DNAH8: variants seen among roughly 807,000 people sequenced by gnomAD.
DNAH8 encodes the protein dynein axonemal heavy chain 8, also known as axonemal beta dynein heavy chain 8.
A neutral mutation model predicts 562.1 loss-of-function variants in DNAH8; 382 were observed. The observed-to-expected ratio is 0.68, with a 90% CI of 0.63 to 0.74. The LOEUF (loss-of-function observed/expected upper bound fraction) is 0.74. Among genes scored for constraint, DNAH8 ranks in the 30% least tolerant of loss-of-function variants. The probability of loss-of-function intolerance (pLI) is 0.00; values close to 1 mark genes in which losing one functional copy is unlikely to be tolerated. For synonymous variants in DNAH8, 1,881 were observed against 1,919.4 expected (o/e 0.98, Z 0.52); for missense variants, 5,203 against 5,620.4 (o/e 0.93, Z 2.37).
chr6:38,969,707 G>T (rs1285489949), intron 82 of DNAH8, among the ~76,000 whole-genome samples: 1 of 140,076 alleles, frequency 7.1e-6, no homozygotes, highest in Admixed American at 7.2e-5. Flanking sequence ...AAAGGTGTGT[G>T]TGGGGGGGAG....
At chr6:38,818,578 G>GAAAAAAAAAAAAAAAAAAAAAAAA (rs1772517068) in intron 26 of DNAH8, among the ~76,000 whole-genome samples, 1 of 135,016 alleles carries the variant, frequency 7.4e-6, no homozygotes, top group African/African-American at 3.0e-5. Flanking sequence ...TTGGAAACAG[G>GAAAAAAAAAAAAAAAAAAAAAAAA]AATAAAACAC....
chr6:38,903,204 T>A (rs978027651), intron 62 of DNAH8, among the ~76,000 whole-genome samples: 15 of 152,132 alleles, frequency 9.9e-5, no homozygotes, highest in Non-Finnish European at 2.2e-4. Context: ...GCTGTGTAAT[T>A]TATTTAAAAA....
intron 71 of DNAH8, among the ~76,000 whole-genome samples, chr6:38,921,875 G>A (rs1781731210): frequency 6.6e-6 from 1 of 152,120 alleles, no homozygotes; most frequent in African/African-American, 2.4e-5. Flanking sequence ...GGGAGACAGG[G>A]GTGGGGCCGT....
At chr6:38,772,888 C>T (rs1031554809) in intron 12 of DNAH8, among the ~76,000 whole-genome samples, 1 of 150,224 alleles carries the variant, frequency 6.7e-6, no homozygotes, top group African/African-American at 2.5e-5. Context: ...GTGGCATGAT[C>T]ATAGCTCACT....
At chr6:38,775,399 C>G (rs913627897) in intron 12 of DNAH8, among the ~76,000 whole-genome samples, 1 of 152,110 alleles carries the variant, frequency 6.6e-6, no homozygotes, top group Non-Finnish European at 1.5e-5. Context: ...CATGGTGGAG[C>G]TTTTGAGTCC....
intron 87 of DNAH8, among the ~76,000 whole-genome samples, chr6:38,987,889 C>T (rs1178755665): frequency 6.6e-6 from 1 of 152,208 alleles, no homozygotes; most frequent in South Asian, 2.1e-4. Context: ...CATGAGCTTA[C>T]CACATGAACC....
intron 53 of DNAH8, among the ~76,000 whole-genome samples, chr6:38,877,427 A>C (rs1778109270): frequency 6.6e-6 from 1 of 152,212 alleles, no homozygotes; most frequent in Non-Finnish European, 1.5e-5. Flanking sequence ...TGGAGATGTT[A>C]ACAAAAGGTT....
chr6:38,902,265 C>T (rs1481838894), intron 62 of DNAH8, among the ~76,000 whole-genome samples: 1 of 152,146 alleles, frequency 6.6e-6, no homozygotes, highest in East Asian at 1.9e-4. Context: ...AACAGCTCCT[C>T]CAGGAGAGTA....
At chr6:38,747,665 G>A (rs181188674) in intron 8 of DNAH8, among the ~76,000 whole-genome samples, 3 of 152,274 alleles carry the variant, frequency 2.0e-5, no homozygotes, top group Admixed American at 2.0e-4. Context: ...GATTACTGGC[G>A]TGAGCCACCG....
intron 8 of DNAH8, among the ~76,000 whole-genome samples, chr6:38,746,569 TG>T (rs201181577): frequency 0.052 from 7,968 of 152,258 alleles, 655 homozygotes; most frequent in African/African-American, 0.18. Context: ...TATATTTAGA[TG>T]AATTAATTTT....
In DNAH8 at chr6:39,026,498, A is replaced by G. The variant is rs116821118; in HGVS notation, c.13715-48A>G. On this transcript the variant is annotated intron_variant, in intron 91 of 92. Transcript: ENST00000327475. Reference sequence around the variant, plus strand: ...TTAACATTGCTTCCTTCTTGTTTTTAAAGCAGATTGCAACAAGGCTTCAAC... The same window carrying G: ...TTAACATTGCTTCCTTCTTGTTTTTGAAGCAGATTGCAACAAGGCTTCAAC... The G allele has an allele frequency of 0.022, 35,109 of 1,564,200 alleles. 496 individuals are homozygous for G. The highest frequency in any genetic ancestry group is 0.027 in the Non-Finnish European group (31,200 of 1,153,618).
chr6:38,863,027 G>A (rs976881544), intron 44 of DNAH8, among the ~76,000 whole-genome samples: 1 of 152,146 alleles, frequency 6.6e-6, no homozygotes, highest in Non-Finnish European at 1.5e-5. Context: ...TCTGTATGAT[G>A]ACTCCAGAAT....
In DNAH8 at chr6:38,729,914, A is replaced by G; in HGVS notation, c.538A>G (p.Thr180Ala). ...TTTTATTTAACAGCTGGAAGCATTTACTAATTTTTTTGCGAAAGATGGTTG... is the reference window on the plus strand; with the variant it reads ...TTTTATTTAACAGCTGGAAGCATTTGCTAATTTTTTTGCGAAAGATGGTTG... ...ILDCPSLEAF[T>A]NFFAKDGCKT... The change falls in exon 4 of 93, where the codon ACT becomes GCT. Residue 180 changes from threonine (T) to alanine (A), a missense_variant. Transcript: ENST00000327475. 6.4e-7 allele frequency: 1 copy of G among 1,567,776 alleles called. No individual in the cohort carries two copies. Among genetic ancestry groups the G allele is most frequent in the Non-Finnish European group, 8.7e-7 (1 of 1,143,182 alleles).
At position 38,784,347 on chromosome 6, in the gene DNAH8, G is replaced by A. The variant is rs61392956; in HGVS notation, c.2395+1208G>A. Among the ~76,000 whole-genome samples the A allele has an allele frequency of 6.7e-3, 1,023 of 152,198 alleles. 5 individuals carry two copies. The highest frequency in any genetic ancestry group is 0.017 in the African/African-American group (705 of 41,528). On this transcript the variant is annotated intron_variant, in intron 17 of 92. Coordinates refer to ENST00000327475, the MANE Select transcript of DNAH8 (RefSeq NM_001206927.2). ...TTTTGTTTTGGTTCTACAATGCCGC[G>A]CACTTAATTTTCTTTTTCTCCTGGT...
intron 82 of DNAH8, among the ~76,000 whole-genome samples, chr6:38,960,772 C>T (rs1762556162): frequency 6.6e-6 from 1 of 151,756 alleles, no homozygotes. Context: ...AATACATATC[C>T]AAAAGAGGTG....
At chr6:38,751,179 T>C (rs72858280) in intron 9 of DNAH8, among the ~76,000 whole-genome samples, 27,976 of 152,148 alleles carry the variant, frequency 0.18, 3,356 homozygotes, top group Non-Finnish European at 0.27. Context: ...GGGAGAGTCT[T>C]CTTCTCAGTT....
chr6:38,997,517 G>A (rs1039818088), intron 88 of DNAH8, among the ~76,000 whole-genome samples: 6 of 152,186 alleles, frequency 3.9e-5, no homozygotes. Flanking sequence ...ACAGAGTTCT[G>A]TTGGGGGCAT....
intron 78 of DNAH8, 119 bp from the exon 79 acceptor site, chr6:38,938,679 A>G (rs1561889090): frequency 4.3e-6 from 3 of 689,850 alleles, no homozygotes; most frequent in Non-Finnish European, 7.3e-6. Context: ...AATCTGTGCA[A>G]CAAACCACCA....
chr6:38,843,961 T>C (rs995333316), intron 35 of DNAH8, among the ~76,000 whole-genome samples: 7 of 152,152 alleles, frequency 4.6e-5, no homozygotes, highest in Admixed American at 2.0e-4. Context: ...CTCCTTCCTC[T>C]ACTGTGCTGT....
Sources: allele counts gnomAD v4.1 joint callset (sites outside exome capture counted in the v4.1 genomes callset), GRCh38; gene constraint gnomAD v4.1.1; transcripts MANE v1.5; gene names NCBI Gene and HGNC (gene_info 2026-07-23, HGNC 2026-07-21).